The following SHISA9 variants were observed in gnomAD, a reference collection of about 807,000 sequenced individuals.
The protein encoded by SHISA9 is protein shisa-9.
SHISA9 carries 13 observed loss-of-function variants against 38.0 expected under a neutral mutation model. That is an observed-to-expected ratio of 0.34 (90% CI 0.22 to 0.54). The LOEUF is 0.54. Ranked by LOEUF, SHISA9 falls within the 20% of genes least tolerant of loss-of-function variation. The pLI is 0.91. For synonymous variants in SHISA9, 275 were observed against 242.0 expected (o/e 1.14, Z -1.27); for missense variants, 538 against 575.8 (o/e 0.93, Z 0.67).
chr16:12,905,967 G>T (rs1197288229), intron 1 of SHISA9, among the ~76,000 whole-genome samples: 1 of 152,220 alleles, frequency 6.6e-6, no homozygotes, highest in Non-Finnish European at 1.5e-5. Context: ...GCTACCCCAG[G>T]TACCTGCCAA....
chr16:13,400,425 G>T, the SHISA9 span, among the ~76,000 whole-genome samples: 1 of 152,100 alleles, frequency 6.6e-6, no homozygotes, highest in African/African-American at 2.4e-5. Flanking sequence ...CTTTGCATCT[G>T]AATCTTTACC....
the SHISA9 span, among the ~76,000 whole-genome samples, chr16:13,316,005 T>A: frequency 6.6e-6 from 1 of 151,306 alleles, no homozygotes; most frequent in East Asian, 1.9e-4. Context: ...ATAGAAAGTG[T>A]CATTACAATT....
the SHISA9 span, among the ~76,000 whole-genome samples, chr16:13,280,477 A>G: frequency 6.6e-6 from 1 of 151,636 alleles, no homozygotes; most frequent in African/African-American, 2.4e-5. Context: ...AATCTCACAA[A>G]TTTTGCTAAA....
intron 2 of SHISA9, among the ~76,000 whole-genome samples, chr16:13,088,305 G>A (rs1027393450): frequency 5.9e-5 from 9 of 152,266 alleles, no homozygotes; most frequent in East Asian, 5.8e-4. Flanking sequence ...GGGAATGCAG[G>A]CTCTTTTGTG....
chr16:12,977,471 T>C (rs2072178943), intron 2 of SHISA9, among the ~76,000 whole-genome samples: 1 of 152,150 alleles, frequency 6.6e-6, no homozygotes, highest in Admixed American at 6.6e-5. Context: ...ACTGGGTATA[T>C]ACCCAAAGGA....
the SHISA9 span, among the ~76,000 whole-genome samples, chr16:13,337,505 G>A: frequency 6.6e-6 from 1 of 152,108 alleles, no homozygotes; most frequent in South Asian, 2.1e-4. Context: ...TATCAGCAGT[G>A]TGAAAACAGA....
At chr16:13,350,002 C>A in the SHISA9 span, among the ~76,000 whole-genome samples, 2 of 152,226 alleles carry the variant, frequency 1.3e-5, no homozygotes, top group South Asian at 4.2e-4. Flanking sequence ...CAAATAGCTG[C>A]TAAGGTATTA....
chr16:13,308,488 G>A, the SHISA9 span, among the ~76,000 whole-genome samples: 1 of 152,282 alleles, frequency 6.6e-6, no homozygotes, highest in East Asian at 1.9e-4. Flanking sequence ...TGGAGACAAT[G>A]TTAGCCAGAG....
intron 4 of SHISA9, among the ~76,000 whole-genome samples, chr16:13,228,352 T>A (rs1294381019): frequency 2.0e-5 from 3 of 152,238 alleles, no homozygotes; most frequent in Non-Finnish European, 1.5e-5. Flanking sequence ...TTTCCCCCCA[T>A]CTGCACGGAT....
chr16:12,961,378 A>G (rs367898349), intron 2 of SHISA9, among the ~76,000 whole-genome samples: 2 of 152,212 alleles, frequency 1.3e-5, no homozygotes, highest in East Asian at 1.9e-4. Flanking sequence ...ATGGAGATCC[A>G]TGGAAGGAAT....
intron 2 of SHISA9, among the ~76,000 whole-genome samples, chr16:12,958,918 G>A (rs938271291): frequency 6.6e-6 from 1 of 152,110 alleles, no homozygotes; most frequent in African/African-American, 2.4e-5. Flanking sequence ...CATGAGAGTT[G>A]GGTCTGAGGG....
chr16:13,319,000 C>G, the SHISA9 span, among the ~76,000 whole-genome samples: 2 of 152,184 alleles, frequency 1.3e-5, no homozygotes, highest in Non-Finnish European at 2.9e-5. Context: ...CATTTCACTA[C>G]TTTTATTTCA....
chr16:13,087,608 G>A (rs2073727617), intron 2 of SHISA9, among the ~76,000 whole-genome samples: 2 of 152,148 alleles, frequency 1.3e-5, no homozygotes, highest in South Asian at 4.1e-4. Context: ...GTGTCTGTTG[G>A]CTGCATAGAC....
chr16:13,024,220 C>T (rs2866125), intron 2 of SHISA9, among the ~76,000 whole-genome samples: 1 of 152,192 alleles, frequency 6.6e-6, no homozygotes, highest in South Asian at 2.1e-4. Flanking sequence ...CATACTCTTT[C>T]TAGGATAAAG....
chr16:12,970,857 G>T (rs1468117303), intron 2 of SHISA9, among the ~76,000 whole-genome samples: 14 of 152,148 alleles, frequency 9.2e-5, no homozygotes, highest in Non-Finnish European at 1.0e-4. Flanking sequence ...TCAGAAGAAT[G>T]TAAGCCCATG....
At chr16:13,032,946 A>C (rs2073009586) in intron 2 of SHISA9, among the ~76,000 whole-genome samples, 1 of 152,224 alleles carries the variant, frequency 6.6e-6, no homozygotes, top group South Asian at 2.1e-4. Context: ...AAGGAACTCA[A>C]ACCATGAGAT....
At chr16:13,155,801 C>T (rs1343073808) in intron 2 of SHISA9, among the ~76,000 whole-genome samples, 6 of 152,118 alleles carry the variant, frequency 3.9e-5, no homozygotes, top group Non-Finnish European at 8.8e-5. Flanking sequence ...CCACTTCCCC[C>T]TCTCCCCCTA....
At chr16:13,198,677 A>G (rs1324129010) in intron 2 of SHISA9, among the ~76,000 whole-genome samples, 1 of 152,206 alleles carries the variant, frequency 6.6e-6, no homozygotes, top group East Asian at 1.9e-4. Context: ...TGTCCAGTGA[A>G]AAGAAAATGA....
intron 2 of SHISA9, among the ~76,000 whole-genome samples, chr16:13,140,163 CCCCTCCCCTCCCCTT>C (rs2050389223): frequency 1.2e-5 from 1 of 84,166 alleles, no homozygotes; most frequent in African/African-American, 4.1e-5. Context: ...CCCCTCCCCT[CCCCTCCCCTCCCCTT>C]CCCTTCCCTT....
Sources: allele counts gnomAD v4.1 joint callset (sites outside exome capture counted in the v4.1 genomes callset), GRCh38; gene constraint gnomAD v4.1.1; transcripts MANE v1.5; gene names NCBI Gene and HGNC (gene_info 2026-07-23, HGNC 2026-07-21).